PSG9: variants seen among roughly 807,000 people sequenced by gnomAD.
PSG9 encodes the protein pregnancy-specific beta-1-glycoprotein 9.
In PSG9, 49 loss-of-function variants were observed where a neutral mutation model predicts 41.9. That is an observed-to-expected ratio of 1.17 (90% CI 0.93 to 1.48). The LOEUF (loss-of-function observed/expected upper bound fraction) is 1.48. PSG9 is among the 40% of genes most tolerant of loss of function. The probability of loss-of-function intolerance (pLI) is 0.00; values close to 1 mark genes in which losing one functional copy is unlikely to be tolerated. For synonymous variants in PSG9, 263 were observed against 196.8 expected (o/e 1.34, Z -2.82); for missense variants, 641 against 520.3 (o/e 1.23, Z -2.26).
Position 43,258,412 on chromosome 19 carries a change from G to A in PSG9, c.1033C>T (p.Arg345Cys), listed in dbSNP as rs751794957. 4.3e-5 allele frequency: 69 copies of A among 1,588,582 alleles called. 7 individuals carry two copies. In the South Asian group the frequency reaches 5.3e-4, roughly 12 times the overall value. The change falls in exon 5 of 6, where the codon CGT becomes TGT. Residue 345 changes from arginine to cysteine, a missense_variant. Coordinates refer to ENST00000270077, the MANE Select transcript of PSG9 (RefSeq NM_002784.5). The part of the protein sequence containing the change: ...PRIYPSFTYY[R>C]SGENLDLSCF... ...GACAAGTCGAGGTTTTCTCCTGAAC[G>A]GTAATAGGTGAATGAAGGGTAAATT... is the stretch of plus-strand genomic sequence containing the variant.
chr19:43,266,011 G>A (rs1968949174), intron 2 of PSG9, among the ~76,000 whole-genome samples: 1 of 151,910 alleles, frequency 6.6e-6, no homozygotes, highest in African/African-American at 2.4e-5. Flanking sequence ...GGGAATGTCT[G>A]GGGAAGGCCT....
intron 5 of PSG9, among the ~76,000 whole-genome samples, chr19:43,255,803 G>T (rs1411954094): frequency 1.4e-5 from 2 of 146,290 alleles, no homozygotes; most frequent in Non-Finnish European, 3.0e-5. Context: ...AATCAAAGAG[G>T]TGAAATGATT....
At position 43,263,509 on chromosome 19, in the gene PSG9, G is replaced by A. The variant is rs993688104; in HGVS notation, c.431-1371C>T. ...TCAGATTGTGGATTTCTGGATTTGG[G>A]ATGCTCAATTTGTTATACTGTAATT... On this transcript the variant is annotated intron_variant, in intron 2 of 5. Transcript: ENST00000270077. Among the ~76,000 whole-genome samples the A allele has an allele frequency of 6.6e-5, 10 of 151,676 alleles. 1 individual carries two copies. The highest frequency in any genetic ancestry group is 1.5e-4 in the Non-Finnish European group (10 of 67,948).
chr19:43,266,146 C>T lies in PSG9; in HGVS notation c.430+1638G>A, dbSNP rs761424060. Among the ~76,000 whole-genome samples, 103 of 152,018 alleles carry T rather than the reference C, an allele frequency of 6.8e-4. 1 individual carries two copies. The highest frequency in any genetic ancestry group is 1.3e-3 in the Non-Finnish European group (89 of 67,940). On this transcript the variant is annotated intron_variant, in intron 2 of 5. Coordinates refer to ENST00000270077, the MANE Select transcript of PSG9 (RefSeq NM_002784.5). ...ATGGCAGTGAGCAGTGAGGGAGACACTGACTTCAGAGACCCCAGGGCCCAG... is the reference window on the plus strand; with the variant it reads ...ATGGCAGTGAGCAGTGAGGGAGACATTGACTTCAGAGACCCCAGGGCCCAG...
Position 43,268,057 on chromosome 19 carries a change from G to A in PSG9, c.157C>T (p.Leu53=), listed in dbSNP as rs144736946. 2.5e-5 allele frequency: 40 copies of A among 1,613,676 alleles called. 2 individuals are homozygous for A. The highest frequency in any genetic ancestry group is 3.0e-5 in the Non-Finnish European group (35 of 1,179,882). The change falls in exon 2 of 6, where the codon CTA becomes TTA. Residue 53 remains leucine, a synonymous_variant. Transcript: ENST00000270077. ...PKVSEGKDVL[L]LVHNLPQNLP... is the part of the protein sequence containing the mutation. ...TTCTGGGGCAAATTGTGGACAAGTA[G>A]AAGAACATCCTTCCCCTCAGAAACT...
chr19:43,258,786 G>A lies in PSG9; in HGVS notation c.988+71C>T, dbSNP rs529924815. 109 of 1,558,306 alleles carry A rather than the reference G, an allele frequency of 7.0e-5. 10 individuals carry two copies. In the South Asian group the frequency reaches 1.1e-3, roughly 15 times the overall value. On this transcript the variant is annotated intron_variant, in intron 4 of 5. Transcript: ENST00000270077. ...TCTATACTTGGACCGGAGAGAGACT[G>A]AGAGGCCTGGCATCTGGTCGTTTGG... is the stretch of plus-strand genomic sequence containing the variant.
intron 4 of PSG9, 123 bp downstream of exon 4, chr19:43,258,734 C>T: frequency 6.8e-7 from 1 of 1,464,612 alleles, no homozygotes; most frequent in South Asian, 1.4e-5. Context: ...GAGTCATGGC[C>T]ACCTCGGATG....
Position 43,264,622 on chromosome 19 carries a change from TA to T in PSG9, c.431-2485del, listed in dbSNP as rs551610558. Among the ~76,000 whole-genome samples, 36 of 152,124 alleles carry T rather than the reference TA, an allele frequency of 2.4e-4. No homozygotes were observed. In the East Asian group the frequency reaches 7.0e-3, roughly 30 times the overall value. On this transcript the variant is annotated intron_variant, in intron 2 of 5. Transcript: ENST00000270077. ...ACAGGCGCCCACCACCACGCCCGGCTAATTTTTTGTATTTTTAATAGAGACA... is the reference window on the plus strand; with the variant it reads ...ACAGGCGCCCACCACCACGCCCGGCTATTTTTTGTATTTTTAATAGAGACA...
chr19:43,263,960 T>C (rs117186729), intron 2 of PSG9, among the ~76,000 whole-genome samples: 2,776 of 152,254 alleles, frequency 0.018, 41 homozygotes, highest in South Asian at 0.031. Flanking sequence ...TGGGGAGGAC[T>C]GCAAAACAGG....
At position 43,256,788 on chromosome 19, in the gene PSG9, G is replaced by A. The variant is rs1599816226; in HGVS notation, c.1243+1414C>T. Among the ~76,000 whole-genome samples the A allele has an allele frequency of 1.4e-5, 2 of 146,926 alleles. 1 individual carries two copies. On this transcript the variant is annotated intron_variant, in intron 5 of 5. Transcript: ENST00000270077. ...AATGTTATAGCCACTGTAAAAAGTG[G>A]TGTGGCTGTTTCTCAAAAAATTAAA...
Position 43,267,845 on chromosome 19 carries a change from G to T in PSG9, c.369C>A (p.His123Gln). The change falls in exon 2 of 6, where the codon CAC (histidine) becomes CAA (glutamine). Residue 123 changes from histidine to glutamine, a missense_variant. Coordinates refer to ENST00000270077, the MANE Select transcript of PSG9 (RefSeq NM_002784.5). Reference protein sequence around the residue: ...TRKDAGTYTLHIIKRGDETRE... With the variant: ...TRKDAGTYTLQIIKRGDETRE... ...TAGTCTCATCACCTCGCTTTATGAT[G>T]TGTAAGGTGTAGGTTCCTGCATCCT... 1 of 1,613,724 alleles carries T rather than the reference G, an allele frequency of 6.2e-7. No homozygotes were observed. Among genetic ancestry groups the T allele is most frequent in the Non-Finnish European group, 8.5e-7 (1 of 1,179,708 alleles).
rs138808565 is a variant in PSG9, at chr19:43,267,858, G to T, written c.356C>A (p.Thr119Asn). 1.4e-3 allele frequency: 2,192 copies of T among 1,613,766 alleles called. 52 individuals carry two copies. The East Asian group carries it at 0.035, about 26-fold the overall frequency. Residue 119 changes from threonine (T) to asparagine (N), a missense_variant, in exon 2 of 6, where the codon ACC becomes AAC. Transcript: ENST00000270077. Reference protein sequence around the residue: ...IQNVTRKDAGTYTLHIIKRGD... With the variant: ...IQNVTRKDAGNYTLHIIKRGD... Reference sequence around the variant, plus strand: ...TCGCTTTATGATGTGTAAGGTGTAGGTTCCTGCATCCTTCCGGGTGACATT... The same window carrying T: ...TCGCTTTATGATGTGTAAGGTGTAGTTTCCTGCATCCTTCCGGGTGACATT...
chr19:43,258,595 C>A lies in PSG9; in HGVS notation c.989-139G>T. ...CCAAAGTCCCTCTATGTTCACTGAG[C>A]TGAAGCCTGAGGTATTCACCTGTTT... On this transcript the variant is annotated intron_variant, in intron 4 of 5. Coordinates refer to ENST00000270077, the MANE Select transcript of PSG9 (RefSeq NM_002784.5). 2.1e-6 allele frequency: 3 copies of A among 1,417,906 alleles called. 1 individual carries two copies. The highest frequency in any genetic ancestry group is 5.6e-5 in the East Asian group (2 of 35,858). The allele number at this position is 1,417,906 out of a possible 1,614,324, so 87.8% of individuals were successfully genotyped here. A position where few individuals can be genotyped will look rare whatever the true frequency, so the allele number is the denominator to read the frequency against.
At position 43,253,322 on chromosome 19, in the gene PSG9, T is replaced by C. The variant is rs1968336382; in HGVS notation, c.*287A>G. ...AAATAACTTTATTACCATAAACCTA[T>C]GAATACTCATGAATAGTTTCACAAT... On this transcript the variant is annotated 3_prime_UTR_variant, in exon 6 of 6. Transcript: ENST00000270077. 7.2e-6 allele frequency: 2 copies of C among 276,528 alleles called. No homozygotes were observed. Among genetic ancestry groups the C allele is most frequent in the South Asian group, 1.1e-4 (2 of 17,612 alleles). The allele number at this position is 276,528 out of a possible 1,614,324, so 17.1% of individuals were successfully genotyped here.
chr19:43,267,238 G>A (rs1934022353), intron 2 of PSG9, among the ~76,000 whole-genome samples: 1 of 152,094 alleles, frequency 6.6e-6, no homozygotes, highest in Non-Finnish European at 1.5e-5. Context: ...AGACTCTGAG[G>A]GCTGAGCCCT....
Position 43,267,096 on chromosome 19 carries a change from T to C in PSG9, c.430+688A>G, listed in dbSNP as rs375665285. Among the ~76,000 whole-genome samples the C allele has an allele frequency of 2.0e-5, 3 of 152,152 alleles. No individual in the cohort carries two copies. In the East Asian group the frequency reaches 5.8e-4, roughly 29 times the overall value. On this transcript the variant is annotated intron_variant, in intron 2 of 5. Coordinates refer to ENST00000270077, the MANE Select transcript of PSG9 (RefSeq NM_002784.5). ...TACATCTTCTCCCTTCTGTTTCTGCTTCTGGGGACATTAGACTTTCTATGG... is the reference window on the plus strand; with the variant it reads ...TACATCTTCTCCCTTCTGTTTCTGCCTCTGGGGACATTAGACTTTCTATGG...
At chr19:43,263,122 T>C (rs1320144432) in intron 2 of PSG9, among the ~76,000 whole-genome samples, 2 of 152,122 alleles carry the variant, frequency 1.3e-5, no homozygotes, top group African/African-American at 2.4e-5. Flanking sequence ...TTGACTACTC[T>C]ATGTACCTCC....
At chr19:43,262,638 T>C (rs1274383675) in intron 2 of PSG9, among the ~76,000 whole-genome samples, 6 of 152,160 alleles carry the variant, frequency 3.9e-5, no homozygotes, top group Admixed American at 3.9e-4. Flanking sequence ...GGTCTGGGAC[T>C]GGGTACTTCA....
At position 43,259,165 on chromosome 19, in the gene PSG9, T is replaced by C. The variant is rs1292577427; in HGVS notation, c.710-30A>G. On this transcript the variant is annotated intron_variant, in intron 3 of 5. Transcript: ENST00000270077. ...GTGGATAACAGAGAGAAGATTGTCCTGTGTGGCACCTTTGATTCCTCCACA... is the reference window on the plus strand; with the variant it reads ...GTGGATAACAGAGAGAAGATTGTCCCGTGTGGCACCTTTGATTCCTCCACA... 3 of 1,582,344 alleles carry C rather than the reference T, an allele frequency of 1.9e-6. 1 individual carries two copies. The highest frequency in any genetic ancestry group is 2.2e-5 in the South Asian group (2 of 89,084).
Sources: allele counts gnomAD v4.1 joint callset (sites outside exome capture counted in the v4.1 genomes callset), GRCh38; gene constraint gnomAD v4.1.1; transcripts MANE v1.5; gene names NCBI Gene and HGNC (gene_info 2026-07-23, HGNC 2026-07-21).